TSC2: variants seen among roughly 807,000 people sequenced by gnomAD.
The protein encoded by TSC2 is tuberin.
In TSC2, 29 loss-of-function variants were observed where a neutral mutation model predicts 202.2. That is an observed-to-expected ratio of 0.14 (90% CI 0.11 to 0.20). The LOEUF is 0.20. Among genes scored for constraint, TSC2 ranks in the 10% least tolerant of loss-of-function variants. The pLI is 1.00. For missense variants in TSC2, 2,429 were observed against 2,420.0 expected (o/e 1.00, Z -0.08); for synonymous variants, 1,349 against 1,044.0 (o/e 1.29, Z -5.63).
At chr16:2,062,900 C>A in intron 13 of TSC2, 72 bp from the exon 14 acceptor site, 1 of 1,513,058 alleles carries the variant, frequency 6.6e-7, no homozygotes, top group Non-Finnish European at 8.9e-7. Flanking sequence ...CTGGCCTGCG[C>A]CAGGCAGACG....
intron 3 of TSC2, among the ~76,000 whole-genome samples, chr16:2,053,025 T>G (rs2085320638): frequency 6.6e-6 from 1 of 152,168 alleles, no homozygotes; most frequent in African/African-American, 2.4e-5. Context: ...GCAGCTCTAG[T>G]GGGACTCCCT....
At chr16:2,073,367 T>A (rs1346958518) in intron 21 of TSC2, among the ~76,000 whole-genome samples, 3 of 152,204 alleles carry the variant, frequency 2.0e-5, no homozygotes, top group Non-Finnish European at 4.4e-5. Flanking sequence ...CCACGCCCCA[T>A]CAGGTGCCGG....
intron 38 of TSC2, 39 bp downstream of exon 38, chr16:2,086,910 G>A: frequency 6.4e-7 from 1 of 1,554,526 alleles, no homozygotes; most frequent in Non-Finnish European, 8.7e-7. Context: ...GCCCCAGGCA[G>A]GTGCCCACTG....
intron 10 of TSC2, 50 bp from the exon 11 acceptor site, chr16:2,060,620 C>CAGCA (rs1208780073): frequency 9.9e-6 from 16 of 1,613,086 alleles, no homozygotes; most frequent in Admixed American, 1.7e-5. Flanking sequence ...GGGCGTCCCA[C>CAGCA]AGCAAGCAAG....
intron 11 of TSC2, chr16:2,061,489 G>T (rs2086630908): frequency 5.4e-6 from 2 of 370,856 alleles, no homozygotes; most frequent in Non-Finnish European, 1.0e-5. Flanking sequence ...GGCAAGAAAG[G>T]CTTGTAGTTG....
At chr16:2,063,132 C>T in intron 14 of TSC2, 79 bp downstream of exon 14, 2 of 1,502,264 alleles carry the variant, frequency 1.3e-6, no homozygotes, top group Non-Finnish European at 1.8e-6. Context: ...GCACGTGCTC[C>T]CGCAGAGCCG....
Position 2,076,111 on chromosome 16 carries a change from A to G in TSC2, c.2683A>G (p.Met895Val), listed in dbSNP as rs45470695. Residue 895 changes from methionine to valine, a missense_variant, in exon 24 of 42, where the codon ATG (methionine) becomes GTG (valine). Physicochemically the swap from Met to Val is conservative, Grantham distance 21. Coordinates refer to ENST00000219476, the MANE Select transcript of TSC2 (RefSeq NM_000548.5). ...GTGTCTGGCCCATCACGTCATAGCC[A>G]TGTGGTTCATCAGGTGCCGCCTGCC... Reference protein sequence around the residue: ...IVCLAHHVIAMWFIRCRLPFR... With the variant: ...IVCLAHHVIAVWFIRCRLPFR... 6.2e-7 allele frequency: 1 copy of G among 1,613,766 alleles called. No individual in the cohort carries two copies. Among genetic ancestry groups the G allele is most frequent in the Non-Finnish European group, 8.5e-7 (1 of 1,179,994 alleles).
At chr16:2,078,790 T>C in intron 26 of TSC2, 1 of 579,630 alleles carries the variant, frequency 1.7e-6, no homozygotes, top group South Asian at 2.0e-5. Flanking sequence ...TGTCGGTCTC[T>C]AGCCTCCTGA....
chr16:2,069,505 A>C (rs1044147015), intron 16 of TSC2, among the ~76,000 whole-genome samples: 3 of 145,640 alleles, frequency 2.1e-5, no homozygotes, highest in Admixed American at 6.8e-5. Context: ...TTTTTGAGAC[A>C]GTCTTGCTCT....
At chr16:2,080,496 T>C in intron 30 of TSC2, 119 bp downstream of exon 30, 1 of 1,247,326 alleles carries the variant, frequency 8.0e-7, no homozygotes, top group Non-Finnish European at 1.1e-6. Context: ...CTTTTGTTTT[T>C]TTTTTGAGAC....
At position 2,087,877 on chromosome 16, in the gene TSC2, T is replaced by C. The variant is rs745787082; in HGVS notation, c.5004T>C (p.Phe1668=). The change falls in exon 39 of 42, where the codon TTT becomes TTC. Residue 1668 remains phenylalanine, a synonymous_variant. Transcript: ENST00000219476. ...TGTCCGGGCAGGGCCAGTTCAACTTTGTCCACGTGATCGTCACCCCGCTGG... is the reference window on the plus strand; with the variant it reads ...TGTCCGGGCAGGGCCAGTTCAACTTCGTCCACGTGATCGTCACCCCGCTGG... ...KLGTIKGQFN[F]VHVIVTPLDY... 5 of 1,612,638 alleles carry C rather than the reference T, an allele frequency of 3.1e-6. No homozygotes were observed. Among genetic ancestry groups the C allele is most frequent in the Admixed American group, 3.3e-5 (2 of 60,020 alleles).
In TSC2 at chr16:2,088,734, CT is replaced by C; in HGVS notation, c.*127del. 7.5e-7 allele frequency: 1 copy of C among 1,334,970 alleles called. No homozygotes were observed. The highest frequency in any genetic ancestry group is 1.0e-6 in the Non-Finnish European group (1 of 980,744). The allele number at this position is 1,334,970 out of a possible 1,614,324, so 82.7% of individuals were successfully genotyped here. A position where few individuals can be genotyped will look rare whatever the true frequency, so the allele number is the denominator to read the frequency against. On this transcript the variant is annotated 3_prime_UTR_variant, in exon 42 of 42. Coordinates refer to ENST00000219476, the MANE Select transcript of TSC2 (RefSeq NM_000548.5). ...TGCAGTCAGACAGCTCTTTTATTGA[CT>C]TTGTCTGCTTGGTGCGGGGGTTGGG... is the stretch of plus-strand genomic sequence containing the variant.
At chr16:2,059,645 G>C (rs1050568292) in intron 10 of TSC2, among the ~76,000 whole-genome samples, 2 of 151,534 alleles carry the variant, frequency 1.3e-5, no homozygotes, top group Non-Finnish European at 2.9e-5. Flanking sequence ...TCAGCCTCCT[G>C]AGTAGCTGGG....
In TSC2 at chr16:2,086,848, G is replaced by A. The variant is rs773255614; in HGVS notation, c.4966G>A (p.Asp1656Asn). ...VSIVYNDSGE[D>N]FKLGTIKGQF... ...CATTGTCTACAATGACTCCGGTGAG[G>A]ACTTCAAGCTTGGCACCATCAAGGT... The change falls in exon 38 of 42, where the codon GAC becomes AAC. Residue 1656 changes from aspartate (D) to asparagine (N), a missense_variant. Physicochemically the swap from Asp to Asn is conservative, Grantham distance 23 (BLOSUM62 1). Coordinates refer to ENST00000219476, the MANE Select transcript of TSC2 (RefSeq NM_000548.5). The A allele has an allele frequency of 6.2e-7, 1 of 1,600,756 alleles. No homozygotes were observed. Among genetic ancestry groups the A allele is most frequent in the South Asian group, 1.1e-5 (1 of 89,482 alleles).
At chr16:2,077,112 G>C (rs554311906) in intron 25 of TSC2, among the ~76,000 whole-genome samples, 2 of 152,368 alleles carry the variant, frequency 1.3e-5, no homozygotes, top group South Asian at 2.1e-4. Context: ...GTTGTCTCCA[G>C]CCCCTGGGGG....
At chr16:2,083,521 G>A in intron 32 of TSC2, 174 bp from the exon 33 acceptor site, 6 of 1,143,190 alleles carry the variant, frequency 5.2e-6, no homozygotes, top group Non-Finnish European at 7.6e-6. Context: ...TCACGTGCAG[G>A]CCTTCCCAGC....
chr16:2,058,653 G>A lies in TSC2; in HGVS notation c.849-94G>A. ...CCCCCCCAAGCACAGGGACCTCTGGGGCTGCTGCAGGAGCCTCGGCAACCT... is the reference window on the plus strand; with the variant it reads ...CCCCCCCAAGCACAGGGACCTCTGGAGCTGCTGCAGGAGCCTCGGCAACCT... On this transcript the variant is annotated intron_variant, in intron 9 of 41. Coordinates refer to ENST00000219476, the MANE Select transcript of TSC2 (RefSeq NM_000548.5). 2.0e-6 allele frequency: 3 copies of A among 1,532,098 alleles called. No individual in the cohort carries two copies. In the South Asian group the frequency reaches 3.6e-5, roughly 18 times the overall value. The allele number at this position is 1,532,098 out of a possible 1,614,324, so 94.9% of individuals were successfully genotyped here.
At position 2,088,213 on chromosome 16, in the gene TSC2, G is replaced by A. The variant is rs2151626974; in HGVS notation, c.5161-14G>A. ...CCACCTGATAGTGAGCTCACCCCCT[G>A]CCTACGTCCCCAGATGGCCTCACAG... On this transcript the variant is annotated splice_polypyrimidine_tract_variant and intron_variant, in intron 40 of 41. Coordinates refer to ENST00000219476, the MANE Select transcript of TSC2 (RefSeq NM_000548.5). The A allele has an allele frequency of 1.2e-6, 2 of 1,613,108 alleles. No individual in the cohort carries two copies. Among genetic ancestry groups the A allele is most frequent in the Non-Finnish European group, 1.7e-6 (2 of 1,179,964 alleles).
At chr16:2,070,398 G>A (rs776887020) in intron 16 of TSC2, 58 bp from the exon 17 acceptor site, 4 of 1,613,000 alleles carry the variant, frequency 2.5e-6, no homozygotes, top group Non-Finnish European at 3.4e-6. Flanking sequence ...CAAGGGTGCT[G>A]TCTTAGGACT....
Sources: allele counts gnomAD v4.1 joint callset (sites outside exome capture counted in the v4.1 genomes callset), GRCh38; gene constraint gnomAD v4.1.1; transcripts MANE v1.5; gene names NCBI Gene and HGNC (gene_info 2026-07-23, HGNC 2026-07-21).